ABCC8: variants seen among roughly 807,000 people sequenced by gnomAD.
ABCC8 encodes the protein ATP-binding cassette sub-family C member 8.
Under a neutral mutation model 188.0 loss-of-function variants are expected in ABCC8, and 137 were observed. The ratio of observed to expected loss-of-function variants is 0.73; its 90% CI spans 0.63 to 0.84. The LOEUF (loss-of-function observed/expected upper bound fraction) is 0.84. Among genes scored for constraint, ABCC8 ranks in the 40% least tolerant of loss-of-function variants. The pLI is 0.00. For synonymous variants in ABCC8, 797 were observed against 846.5 expected, an observed-to-expected ratio of 0.94 and a Z score of 1.01; for missense variants, 1,750 against 2,072.7, an observed-to-expected ratio of 0.84 and a Z score of 3.02.
Position 17,410,498 on chromosome 11 carries a change from C to T in ABCC8, c.2694+18G>A, listed in dbSNP as rs749340848. 3.1e-6 allele frequency: 5 copies of T among 1,614,012 alleles called. No homozygotes were observed. The highest frequency in any genetic ancestry group is 2.2e-5 in the South Asian group (2 of 91,082). ...CCAGCCCTGCCCCCTATAGCCTGAC[C>T]CCCTTGTTCCCCCTCACCCAGTCTG... On this transcript the variant is annotated intron_variant, in intron 22 of 38. Transcript: ENST00000389817.
chr11:17,407,128 C>T lies in ABCC8; in HGVS notation c.2922G>A (p.Glu974=). 1 of 1,610,924 alleles carries T rather than the reference C, an allele frequency of 6.2e-7. No individual in the cohort carries two copies. Among genetic ancestry groups the T allele is most frequent in the Non-Finnish European group, 8.5e-7 (1 of 1,179,338 alleles). The change falls in exon 25 of 39, where the codon GAG becomes GAA. Residue 974 remains glutamate (E), a splice_region_variant and synonymous_variant. Coordinates refer to ENST00000389817, the MANE Select transcript of ABCC8 (RefSeq NM_000352.6). The part of the protein sequence containing the change: ...GLLQDEEEEE[E]EAAESEEDDN... The stretch of plus-strand genomic sequence containing the variant: ...CATCCTCCTCGCTCTCAGCTGCCTC[C>T]TCTGCAGGCCGCAAGAACCCACTCT...
At chr11:17,450,483 C>G (rs1318661564) in intron 7 of ABCC8, among the ~76,000 whole-genome samples, 1 of 149,152 alleles carries the variant, frequency 6.7e-6, no homozygotes, top group Non-Finnish European at 1.5e-5. Flanking sequence ...CAAGCTCCTC[C>G]TCCTGGGTTC....
At chr11:17,461,008 CCT>C (rs1287408654) in intron 5 of ABCC8, 2 of 409,216 alleles carry the variant, frequency 4.9e-6, no homozygotes, top group African/African-American at 4.1e-5. Flanking sequence ...ACCGTGTCTG[CCT>C]CAGCAACTGC....
intron 23 of ABCC8, among the ~76,000 whole-genome samples, chr11:17,407,917 C>CTCCTGAG (rs1353603937): frequency 6.6e-6 from 1 of 152,110 alleles, no homozygotes; most frequent in Non-Finnish European, 1.5e-5. Context: ...GCTGGTGGCC[C>CTCCTGAG]TCACTGATAC....
intron 8 of ABCC8, chr11:17,444,311 C>A (rs896109581): frequency 6.6e-6 from 1 of 152,236 alleles, no homozygotes; most frequent in Non-Finnish European, 1.5e-5. Context: ...TGCAGCATCA[C>A]CCTCCTGGAC....
chr11:17,442,603 C>G, intron 10 of ABCC8, 117 bp downstream of exon 10: 2 of 1,023,232 alleles, frequency 2.0e-6, no homozygotes. Flanking sequence ...CCTACTGAGT[C>G]GGATAATCTC....
intron 8 of ABCC8, among the ~76,000 whole-genome samples, chr11:17,445,912 G>GT (rs971758302): frequency 1.3e-5 from 2 of 151,790 alleles, no homozygotes; most frequent in Non-Finnish European, 2.9e-5. Flanking sequence ...AACAAACCCT[G>GT]TGAGTACTAG....
At chr11:17,409,176 C>T (rs11024279) in intron 22 of ABCC8, among the ~76,000 whole-genome samples, 2,506 of 151,420 alleles carry the variant, frequency 0.017, 19 homozygotes, top group Non-Finnish European at 0.02. Context: ...AAGCTGGTCT[C>T]GAACTCCTGG....
intron 17 of ABCC8, among the ~76,000 whole-genome samples, chr11:17,416,441 G>GAT (rs1476260123): frequency 6.6e-6 from 1 of 151,912 alleles, no homozygotes; most frequent in African/African-American, 2.4e-5. Flanking sequence ...AGCCTTTTTA[G>GAT]ATATACTTTT....
At chr11:17,448,482 T>C in intron 8 of ABCC8, 34 bp downstream of exon 8, 1 of 1,595,734 alleles carries the variant, frequency 6.3e-7, no homozygotes, top group Non-Finnish European at 8.6e-7. Context: ...TGTGTCCTGC[T>C]GCCCCCCTCC....
intron 31 of ABCC8, 141 bp downstream of exon 31, chr11:17,397,543 T>A: frequency 7.0e-7 from 1 of 1,429,554 alleles, no homozygotes; most frequent in South Asian, 1.2e-5. Context: ...TGGTCAGCCT[T>A]CCTGCCCGCA....
Position 17,454,703 on chromosome 11 carries a change from C to T in ABCC8, c.1012-1420G>A, listed in dbSNP as rs1184070745. Among the ~76,000 whole-genome samples, 4 of 152,116 alleles carry T rather than the reference C, an allele frequency of 2.6e-5. No homozygotes were observed. The East Asian group carries it at 7.7e-4, about 29-fold the overall frequency. On this transcript the variant is annotated intron_variant, in intron 6 of 38. Transcript: ENST00000389817. ...ATGAGGAGGGTACCATTATTAGCCC[C>T]ATTTCATACATGAAAAAAAGGAGTT...
chr11:17,432,329 C>T, intron 10 of ABCC8, 85 bp from the exon 11 acceptor site: 1 of 1,550,498 alleles, frequency 6.4e-7, no homozygotes, highest in Admixed American at 2.0e-5. Context: ...GGAGGCAGCG[C>T]AGTCCAGTGG....
chr11:17,428,324 T>C lies in ABCC8; in HGVS notation c.2005A>G (p.Ser669Gly), dbSNP rs1258903156. 1.9e-6 allele frequency: 3 copies of C among 1,614,136 alleles called. No homozygotes were observed. In the Admixed American group the frequency reaches 5.0e-5, roughly 27 times the overall value. ...LTGPLQSLVP[S>G]ADGDADNCCV... ...CAGTTGTCAGCATCGCCATCTGCAC[T>C]GGGGACCAGGCTCTGCAGTGGGCCG... The change falls in exon 14 of 39, where the codon AGT (serine) becomes GGT (glycine). Residue 669 changes from serine to glycine, a missense_variant. Ser to Gly is a moderately conservative substitution (Grantham distance 56). Transcript: ENST00000389817.
At chr11:17,422,604 G>A (rs1335361299) in intron 16 of ABCC8, among the ~76,000 whole-genome samples, 2 of 152,138 alleles carry the variant, frequency 1.3e-5, no homozygotes, top group Non-Finnish European at 2.9e-5. Context: ...TACTTGGAAT[G>A]AGTGAATATT....
intron 6 of ABCC8, among the ~76,000 whole-genome samples, chr11:17,455,282 G>T (rs575659523): frequency 6.6e-6 from 1 of 152,278 alleles, no homozygotes; most frequent in East Asian, 1.9e-4. Flanking sequence ...CCACACACAC[G>T]CTGTGTTACA....
chr11:17,467,771 G>A (rs548019633), intron 3 of ABCC8, among the ~76,000 whole-genome samples: 62 of 152,038 alleles, frequency 4.1e-4, no homozygotes, highest in Admixed American at 7.9e-4. Context: ...TCACAGGCAC[G>A]TCCCCTCCAC....
intron 20 of ABCC8, 168 bp from the exon 21 acceptor site, chr11:17,412,914 T>C (rs1215017475): frequency 2.1e-6 from 3 of 1,431,362 alleles, no homozygotes; most frequent in East Asian, 2.5e-5. Flanking sequence ...ACTGAATTCA[T>C]TCAGAAGAGG....
chr11:17,427,376 C>T lies in ABCC8; in HGVS notation c.2117-222G>A, dbSNP rs931621153. ...CCTTCCCCCTCTCTGATTTCCTGCC[C>T]CGCCACCCTTCCTAAGCACTCGCTT... On this transcript the variant is annotated intron_variant, in intron 15 of 38. Coordinates refer to ENST00000389817, the MANE Select transcript of ABCC8 (RefSeq NM_000352.6). This position sits in a 1 kb window ranked among gnomAD's most constrained non-coding sequence, Gnocchi z 5.0. 2.6e-5 allele frequency among the ~76,000 whole-genome samples: 4 copies of T among 152,134 alleles called. No individual in the cohort carries two copies. Among genetic ancestry groups the T allele is most frequent in the African/African-American group, 9.7e-5 (4 of 41,436 alleles).
Sources: allele counts gnomAD v4.1 joint callset (sites outside exome capture counted in the v4.1 genomes callset), GRCh38; gene constraint gnomAD v4.1.1; non-coding constraint Gnocchi (gnomAD v3.1); transcripts MANE v1.5; gene names NCBI Gene and HGNC (gene_info 2026-07-23, HGNC 2026-07-21).